Variants in TEC observed in about 807,000 individuals in gnomAD.
TEC encodes tyrosine-protein kinase Tec.
TEC carries 72 observed loss-of-function variants against 93.0 expected under a neutral mutation model. The observed-to-expected ratio is 0.77, with a 90% CI of 0.64 to 0.94. The LOEUF (loss-of-function observed/expected upper bound fraction) is 0.94. Ranked by LOEUF, TEC falls within the 40% of genes least tolerant of loss-of-function variation. The pLI is 0.00. For missense variants in TEC, 630 were observed against 757.9 expected (o/e 0.83, Z 1.98); for synonymous variants, 249 against 247.7 (o/e 1.01, Z -0.05).
At chr4:48,192,561 T>C (rs1380062067) in intron 2 of TEC, among the ~76,000 whole-genome samples, 1 of 152,086 alleles carries the variant, frequency 6.6e-6, no homozygotes, top group Admixed American at 6.6e-5. Flanking sequence ...AACCCTGAAG[T>C]CTGGGGATAC....
chr4:48,159,918 T>C (rs1347548440), intron 8 of TEC, among the ~76,000 whole-genome samples: 1 of 152,108 alleles, frequency 6.6e-6, no homozygotes, highest in Admixed American at 6.6e-5. Flanking sequence ...TACCAAGCCA[T>C]TCATCATGAG....
intron 2 of TEC, among the ~76,000 whole-genome samples, chr4:48,200,411 T>C (rs1722463169): frequency 6.6e-6 from 1 of 152,152 alleles, no homozygotes; most frequent in Non-Finnish European, 1.5e-5. Context: ...TTGTAGGGTT[T>C]TAGGCAGGAG....
At chr4:48,158,893 A>G (rs1218258002) in intron 8 of TEC, among the ~76,000 whole-genome samples, 1 of 152,132 alleles carries the variant, frequency 6.6e-6, no homozygotes, top group Non-Finnish European at 1.5e-5. Flanking sequence ...CCTGGAAAGG[A>G]TGTTCCCTGG....
At chr4:48,248,019 T>C (rs1008810382) in intron 1 of TEC, among the ~76,000 whole-genome samples, 2 of 152,154 alleles carry the variant, frequency 1.3e-5, no homozygotes, top group Non-Finnish European at 2.9e-5. Context: ...TGGTTCTCAG[T>C]CAGCACATAG....
intron 2 of TEC, among the ~76,000 whole-genome samples, chr4:48,193,583 G>A (rs1286491873): frequency 6.6e-6 from 1 of 152,130 alleles, no homozygotes; most frequent in Non-Finnish European, 1.5e-5. Context: ...ATGTTAGTGA[G>A]CATCTTTTGG....
At chr4:48,143,526 G>A (rs983019349) in intron 14 of TEC, among the ~76,000 whole-genome samples, 1 of 152,098 alleles carries the variant, frequency 6.6e-6, no homozygotes, top group Non-Finnish European at 1.5e-5. Flanking sequence ...CATTGCCCCA[G>A]TCAAATAATG....
At chr4:48,252,574 C>T (rs1446142744) in intron 1 of TEC, among the ~76,000 whole-genome samples, 1 of 152,190 alleles carries the variant, frequency 6.6e-6, no homozygotes, top group Non-Finnish European at 1.5e-5. Flanking sequence ...TCAGCTCTAT[C>T]CCTGCCCAAG....
chr4:48,159,847 C>T (rs1439552275), intron 8 of TEC, among the ~76,000 whole-genome samples: 1 of 152,126 alleles, frequency 6.6e-6, no homozygotes, highest in Non-Finnish European at 1.5e-5. Flanking sequence ...CAAGCCCAGG[C>T]TCTTTTCAAC....
intron 2 of TEC, among the ~76,000 whole-genome samples, chr4:48,213,346 G>C (rs1722973493): frequency 6.6e-6 from 1 of 152,184 alleles, no homozygotes; most frequent in African/African-American, 2.4e-5. Flanking sequence ...GCGAAACTTT[G>C]AGAAAGTTTT....
chr4:48,210,503 GGAGGAGGAGGAGGATGAT>G (rs1160268741), intron 2 of TEC, among the ~76,000 whole-genome samples: 5 of 150,462 alleles, frequency 3.3e-5, no homozygotes, highest in Admixed American at 6.6e-5. Flanking sequence ...AAATGGAGGA[GGAGGAGGAGGAGGATGAT>G]GAGGAGGAGG....
intron 1 of TEC, among the ~76,000 whole-genome samples, chr4:48,250,122 C>T (rs1724163356): frequency 6.6e-6 from 1 of 152,218 alleles, no homozygotes; most frequent in South Asian, 2.1e-4. Context: ...TAGCAGGTAT[C>T]TCAAACACAA....
chr4:48,144,746 G>A (rs1432019742), intron 14 of TEC, among the ~76,000 whole-genome samples: 4 of 152,142 alleles, frequency 2.6e-5, no homozygotes, highest in African/African-American at 7.2e-5. Context: ...CACAGTAGGC[G>A]AGCCTTTTGA....
chr4:48,218,099 A>C (rs1723138279), intron 2 of TEC, among the ~76,000 whole-genome samples: 1 of 152,160 alleles, frequency 6.6e-6, no homozygotes. Flanking sequence ...GATCTAGGAG[A>C]GTAGAATAAA....
chr4:48,182,726 G>A (rs1721642354), intron 2 of TEC, among the ~76,000 whole-genome samples: 1 of 152,110 alleles, frequency 6.6e-6, no homozygotes, highest in Non-Finnish European at 1.5e-5. Context: ...GGAGTTAGAT[G>A]GATGAGATTC....
chr4:48,163,697 C>T lies in TEC; in HGVS notation c.737+5G>A. The T allele has an allele frequency of 6.9e-7, 1 of 1,445,010 alleles. No individual in the cohort carries two copies. Among genetic ancestry groups the T allele is most frequent in the Non-Finnish European group, 9.4e-7 (1 of 1,065,828 alleles). 89.5% of individuals were successfully genotyped at this position (1,445,010 alleles called of 1,614,324 possible). ...TCCACATTCACAAAATAAACATTTACTTACTCATATTGATCTAAGTTGTTT... is the reference window on the plus strand; with the variant it reads ...TCCACATTCACAAAATAAACATTTATTTACTCATATTGATCTAAGTTGTTT... On this transcript the variant is annotated splice_donor_5th_base_variant and intron_variant, in intron 8 of 17. Transcript: ENST00000381501.
At chr4:48,149,520 A>T in intron 11 of TEC, 37 bp downstream of exon 11, 1 of 1,551,446 alleles carries the variant, frequency 6.4e-7, no homozygotes, top group South Asian at 1.2e-5. Flanking sequence ...TTTAATCACT[A>T]CCTTATATTT....
At chr4:48,265,491 ATGTGTG>A (rs201384355) in intron 1 of TEC, among the ~76,000 whole-genome samples, 5 of 128,466 alleles carry the variant, frequency 3.9e-5, no homozygotes, top group African/African-American at 8.7e-5. Flanking sequence ...GTGTGTATAT[ATGTGTG>A]TATATATATA....
intron 2 of TEC, among the ~76,000 whole-genome samples, chr4:48,206,821 C>T (rs554636610): frequency 6.0e-5 from 9 of 149,922 alleles, no homozygotes; most frequent in Non-Finnish European, 1.0e-4. Flanking sequence ...TAGTTGGGCA[C>T]GGTGATATGC....
At chr4:48,164,548 A>T (rs1720801608) in intron 7 of TEC, among the ~76,000 whole-genome samples, 1 of 126,696 alleles carries the variant, frequency 7.9e-6, no homozygotes, top group Non-Finnish European at 1.7e-5. Context: ...GTAAGAACTC[A>T]TAATACACAC....
Sources: gnomAD v4.1 joint callset for allele counts (sites outside exome capture counted in the v4.1 genomes callset) on GRCh38, gnomAD v4.1.1 for gene constraint, MANE v1.5 for transcripts, NCBI Gene and HGNC (gene_info 2026-07-23, HGNC 2026-07-21) for gene names.